The following ANKRD44 variants were observed in gnomAD, a reference collection of about 807,000 sequenced individuals.
The protein encoded by ANKRD44 is ankyrin repeat domain 44, also known as serine/threonine-protein phosphatase 6 regulatory ankyrin repeat subunit B.
Under a neutral mutation model 116.0 loss-of-function variants are expected in ANKRD44, and 35 were observed. The observed-to-expected ratio is 0.30, with a 90% CI of 0.23 to 0.40. The LOEUF (loss-of-function observed/expected upper bound fraction) is 0.40. Among genes scored for constraint, ANKRD44 ranks in the 10% least tolerant of loss-of-function variants. The pLI is 1.00. For synonymous variants in ANKRD44, 435 were observed against 461.8 expected (o/e 0.94, Z 0.74); for missense variants, 1,014 against 1,242.6 (o/e 0.82, Z 2.77).
chr2:197,270,776 C>T (rs1483169063), intron 1 of ANKRD44, among the ~76,000 whole-genome samples: 1 of 152,126 alleles, frequency 6.6e-6, no homozygotes. Context: ...AAGTGGGTAC[C>T]GGCAGGCAGG....
chr2:197,106,544 C>T lies in ANKRD44; in HGVS notation c.985+4222G>A, dbSNP rs1390933135. Among the ~76,000 whole-genome samples, 5 of 152,172 alleles carry T rather than the reference C, an allele frequency of 3.3e-5. No individual in the cohort carries two copies. The South Asian group carries it at 6.2e-4, about 19-fold the overall frequency. ...GTGGCTCACGCCTGTAATCCCAGCA[C>T]TTTGGGAGGCCGAGGCAGGCAGATC... On this transcript the variant is annotated intron_variant, in intron 9 of 27. Coordinates refer to ENST00000282272, the MANE Select transcript of ANKRD44 (RefSeq NM_001195144.2).
chr2:197,269,349 A>G (rs967474796), intron 1 of ANKRD44, among the ~76,000 whole-genome samples: 3 of 152,204 alleles, frequency 2.0e-5, no homozygotes, highest in Non-Finnish European at 2.9e-5. Flanking sequence ...CACTCTACTC[A>G]TAACCAGAAG....
intron 1 of ANKRD44, among the ~76,000 whole-genome samples, chr2:197,260,775 T>C (rs7605801): frequency 0.83 from 122,538 of 148,060 alleles, 50,872 homozygotes; most frequent in South Asian, 0.89. Flanking sequence ...GATCGCCATT[T>C]TAACTGGTGT....
intron 2 of ANKRD44, among the ~76,000 whole-genome samples, chr2:197,158,187 G>A (rs919866183): frequency 1.3e-5 from 2 of 152,140 alleles, no homozygotes; most frequent in African/African-American, 2.4e-5. Flanking sequence ...GCAGGTCTTC[G>A]GAGTACCACC....
intron 1 of ANKRD44, among the ~76,000 whole-genome samples, chr2:197,197,362 CCCAGTGCGTAGCT>C (rs1052832722): frequency 1.3e-5 from 2 of 152,186 alleles, no homozygotes; most frequent in Non-Finnish European, 2.9e-5. Context: ...CAGACACCAA[CCCAGTGCGTAGCT>C]CCTTTATTTC....
intron 1 of ANKRD44, among the ~76,000 whole-genome samples, chr2:197,232,653 G>T (rs958410415): frequency 6.6e-6 from 1 of 152,146 alleles, no homozygotes; most frequent in African/African-American, 2.4e-5. Context: ...AGCTACCCCA[G>T]CTCTGGCCTG....
At chr2:197,193,946 C>T (rs1446600383) in intron 1 of ANKRD44, among the ~76,000 whole-genome samples, 2 of 152,066 alleles carry the variant, frequency 1.3e-5, no homozygotes, top group Admixed American at 6.6e-5. Context: ...ACCCCCAGCA[C>T]GGGGCCAGAT....
Position 197,090,035 on chromosome 2 carries a change from G to T in ANKRD44, c.1101-3C>A. The T allele has an allele frequency of 6.2e-7, 1 of 1,612,754 alleles. No individual in the cohort carries two copies. Among genetic ancestry groups the T allele is most frequent in the South Asian group, 1.1e-5 (1 of 91,030 alleles). ...GGAACATGCTATGGATTCCACACCT[G>T]AGGAGTAAGAAAACAGAGCAACTCA... On this transcript the variant is annotated splice_polypyrimidine_tract_variant and splice_region_variant and intron_variant, in intron 10 of 27. Coordinates refer to ENST00000282272, the MANE Select transcript of ANKRD44 (RefSeq NM_001195144.2).
chr2:197,138,680 G>A (rs1343945583), intron 3 of ANKRD44, among the ~76,000 whole-genome samples: 1 of 152,100 alleles, frequency 6.6e-6, no homozygotes, highest in Non-Finnish European at 1.5e-5. Flanking sequence ...ATATATGTAT[G>A]ACCACATTGT....
intron 2 of ANKRD44, among the ~76,000 whole-genome samples, chr2:197,163,413 G>A (rs1292865516): frequency 6.6e-6 from 1 of 152,338 alleles, no homozygotes; most frequent in East Asian, 1.9e-4. Flanking sequence ...TTCCTGGGAG[G>A]CCAAGTGGCT....
chr2:197,161,255 T>A (rs914716661), intron 2 of ANKRD44, among the ~76,000 whole-genome samples: 3 of 152,034 alleles, frequency 2.0e-5, no homozygotes, highest in Non-Finnish European at 4.4e-5. Context: ...GGGAGATGCA[T>A]CTCTACCTCC....
intron 21 of ANKRD44, among the ~76,000 whole-genome samples, chr2:196,979,118 C>T (rs750984676): frequency 2.0e-5 from 3 of 151,966 alleles, no homozygotes; most frequent in Non-Finnish European, 2.9e-5. Context: ...CTGCAGGCGC[C>T]AGGCACGGTG....
In ANKRD44 at chr2:197,078,809, A is replaced by G. The variant is rs2077730360; in HGVS notation, c.1544T>C (p.Leu515Pro). The change falls in exon 16 of 28, where the codon CTA becomes CCA. Residue 515 changes from leucine to proline, a missense_variant. Leu to Pro is a moderately conservative substitution (Grantham distance 98). Coordinates refer to ENST00000282272, the MANE Select transcript of ANKRD44 (RefSeq NM_001195144.2). ...ELKEKEATLC[L>P]EFLLQNDANP... ...TGCATCATTTTGAAGCAGAAACTCT[A>G]GACATCTGTAAGTATAAAGATGAAG... The G allele has an allele frequency of 6.2e-7, 1 of 1,612,724 alleles. No homozygotes were observed. The highest frequency in any genetic ancestry group is 1.3e-5 in the African/African-American group (1 of 74,878).
intron 1 of ANKRD44, among the ~76,000 whole-genome samples, chr2:197,293,749 A>C (rs970635700): frequency 2.6e-4 from 40 of 152,308 alleles, no homozygotes; most frequent in South Asian, 6.2e-4. Flanking sequence ...CGATGAGGCA[A>C]TATCCTTATG....
intron 6 of ANKRD44, among the ~76,000 whole-genome samples, chr2:197,123,001 A>T (rs1319176010): frequency 6.6e-6 from 1 of 152,236 alleles, no homozygotes; most frequent in Non-Finnish European, 1.5e-5. Context: ...GGGAGAAAAA[A>T]GATGATTCAT....
intron 3 of ANKRD44, among the ~76,000 whole-genome samples, chr2:197,137,608 ATTCTT>A (rs1477807725): frequency 1.1e-4 from 16 of 152,216 alleles, no homozygotes; most frequent in Non-Finnish European, 2.4e-4. Context: ...AGCTTACACT[ATTCTT>A]TTCTTTAACT....
intron 18 of ANKRD44, among the ~76,000 whole-genome samples, chr2:197,011,066 C>T (rs1559415481): frequency 6.6e-6 from 1 of 152,170 alleles, no homozygotes; most frequent in African/African-American, 2.4e-5. Context: ...GATTGGAGTA[C>T]AGGTAATATG....
chr2:197,008,608 T>C (rs1315115882), intron 19 of ANKRD44, among the ~76,000 whole-genome samples: 1 of 152,218 alleles, frequency 6.6e-6, no homozygotes, highest in African/African-American at 2.4e-5. Flanking sequence ...TCCTATTTAT[T>C]AATTAGAAAA....
intron 9 of ANKRD44, among the ~76,000 whole-genome samples, chr2:197,106,847 A>G (rs1237906016): frequency 6.6e-6 from 1 of 150,816 alleles, no homozygotes; most frequent in Non-Finnish European, 1.5e-5. Flanking sequence ...TAGTGGAAAA[A>G]TAAAAGACAG....
Sources: gnomAD v4.1 joint callset for allele counts (sites outside exome capture counted in the v4.1 genomes callset) on GRCh38, gnomAD v4.1.1 for gene constraint, MANE v1.5 for transcripts, NCBI Gene and HGNC (gene_info 2026-07-23, HGNC 2026-07-21) for gene names.